TRAP1: variants seen among roughly 807,000 people sequenced by gnomAD.
TRAP1 encodes the protein heat shock protein 75 kDa, mitochondrial.
In TRAP1, 102 loss-of-function variants were observed where a neutral mutation model predicts 89.1. That is an observed-to-expected ratio of 1.15 (90% confidence interval 0.98 to 1.35). The LOEUF is 1.35. TRAP1 is among the 40% of genes most tolerant of loss of function. The pLI is 0.00. For synonymous variants in TRAP1, 508 were observed against 388.0 expected (o/e 1.31, Z -3.64); for missense variants, 1,256 against 945.3 (o/e 1.33, Z -4.31).
At chr16:3,668,143 G>T (rs1279131140) in intron 11 of TRAP1, among the ~76,000 whole-genome samples, 4 of 151,946 alleles carry the variant, frequency 2.6e-5, no homozygotes, top group African/African-American at 4.8e-5. Flanking sequence ...TGGCAGGCTG[G>T]TAACTCCTGA....
chr16:3,658,632 C>T, intron 17 of TRAP1, 161 bp downstream of exon 17: 2 of 690,194 alleles, frequency 2.9e-6, no homozygotes, highest in Admixed American at 5.4e-5. Context: ...AAGATCGCGC[C>T]ACTGCACTCC....
chr16:3,707,343 A>G (rs1455006069), intron 1 of TRAP1, among the ~76,000 whole-genome samples: 9 of 150,446 alleles, frequency 6.0e-5, no homozygotes, highest in Non-Finnish European at 8.9e-5. Flanking sequence ...CCACCACCAC[A>G]CCCGGCTAAT....
rs557175565 is a variant in TRAP1 at position 3,692,449 on chromosome 16, T to C, written c.89-1464A>G. 1.5e-4 allele frequency among the ~76,000 whole-genome samples: 22 copies of C among 149,818 alleles called. 1 individual carries two copies. In the South Asian group the frequency reaches 4.2e-3, roughly 29 times the overall value. ...TACTCGGGAGACTGAGGCAGGGGAA[T>C]GGCTTGAACTTGGGAAGTGGAGGTT... On this transcript the variant is annotated intron_variant, in intron 1 of 17. Transcript: ENST00000246957.
Position 3,658,844 on chromosome 16 carries a change from C to G in TRAP1, c.1962G>C (p.Leu654=), listed in dbSNP as rs370413693. Residue 654 remains leucine (L), a synonymous_variant, in exon 17 of 18, where the codon CTG becomes CTC. Coordinates refer to ENST00000246957, the MANE Select transcript of TRAP1 (RefSeq NM_016292.3). The part of the protein sequence containing the change: ...INPRHALIKK[L]NQLRASEPGL... ...CAGGCTCGCTTGCGCGCAGCTGATT[C>G]AGCTTCTTGATGAGCGCGTGCCTGC... 1.2e-6 allele frequency: 2 copies of G among 1,614,072 alleles called. No individual in the cohort carries two copies. Among genetic ancestry groups the G allele is most frequent in the African/African-American group, 2.7e-5 (2 of 75,060 alleles).
At chr16:3,700,351 G>C (rs923234895) in intron 1 of TRAP1, among the ~76,000 whole-genome samples, 3 of 151,816 alleles carry the variant, frequency 2.0e-5, no homozygotes, top group Admixed American at 6.6e-5. Flanking sequence ...ATTTTTTGTA[G>C]AGACGGGGTT....
rs1819911678 is a variant in TRAP1, at chr16:3,668,185, G to C, written c.1236-2067C>G. On this transcript the variant is annotated intron_variant, in intron 11 of 17. Transcript: ENST00000246957. ...GATCCACCCGCCTCGGCCTCCCAAA[G>C]TGCTGGGATTACAGGAGTGAGCCAT... is the stretch of plus-strand genomic sequence containing the variant. 3.3e-5 allele frequency among the ~76,000 whole-genome samples: 5 copies of C among 151,852 alleles called. No homozygotes were observed. The South Asian group carries it at 1.0e-3, about 32-fold the overall frequency.
In TRAP1 at chr16:3,664,276, C is replaced by G. The variant is rs912954604; in HGVS notation, c.1567G>C (p.Glu523Gln). The G allele has an allele frequency of 1.9e-6, 3 of 1,589,166 alleles. No homozygotes were observed. The highest frequency in any genetic ancestry group is 2.7e-5 in the African/African-American group (2 of 73,668). Residue 523 changes from glutamate to glutamine, a missense_variant and splice_region_variant, in exon 13 of 18, where the codon GAG becomes CAG. Glu to Gln is a conservative substitution (Grantham distance 29, BLOSUM62 2). Coordinates refer to ENST00000246957, the MANE Select transcript of TRAP1 (RefSeq NM_016292.3). The stretch of plus-strand genomic sequence containing the variant: ...CGCCCCACCCACCGCTCACCCACCT[C>G]TGTGTCTTTCTTCTTCATGGCCTCA... ...YYEAMKKKDT[E>Q]VLFCFEQFDE...
At chr16:3,692,302 G>A (rs1375739602) in intron 1 of TRAP1, among the ~76,000 whole-genome samples, 1 of 152,152 alleles carries the variant, frequency 6.6e-6, no homozygotes, top group Admixed American at 6.6e-5. Flanking sequence ...TTGGGAGGCT[G>A]AGGTAGGCGG....
intron 1 of TRAP1, chr16:3,691,199 G>T: frequency 5.2e-6 from 2 of 382,610 alleles, no homozygotes; most frequent in Non-Finnish European, 9.2e-6. Context: ...AAGATACTGT[G>T]TCTTCTCAGA....
At chr16:3,709,022 A>G (rs1216126261) in intron 1 of TRAP1, among the ~76,000 whole-genome samples, 10 of 151,738 alleles carry the variant, frequency 6.6e-5, no homozygotes, top group Non-Finnish European at 1.5e-4. Flanking sequence ...TCACCGTGTT[A>G]GCCAGGATGG....
In TRAP1 at chr16:3,669,394, G is replaced by A. The variant is rs147628060; in HGVS notation, c.1235+2328C>T. On this transcript the variant is annotated intron_variant, in intron 11 of 17. Coordinates refer to ENST00000246957, the MANE Select transcript of TRAP1 (RefSeq NM_016292.3). ...CTGTCAGAAGCCAGCACGGCTGTGTGGGGAAACAAGCACTGAGGCCCCCTT... is the reference window on the plus strand; with the variant it reads ...CTGTCAGAAGCCAGCACGGCTGTGTAGGGAAACAAGCACTGAGGCCCCCTT... Among the ~76,000 whole-genome samples, 667 of 152,256 alleles carry A rather than the reference G, an allele frequency of 4.4e-3. 4 individuals carry two copies. Among genetic ancestry groups the A allele is most frequent in the Non-Finnish European group, 7.4e-3 (504 of 67,992 alleles).
At chr16:3,659,784 C>G (rs928273712) in intron 16 of TRAP1, 1 of 150,530 alleles carries the variant, frequency 6.6e-6, no homozygotes, top group Non-Finnish European at 1.5e-5. Context: ...TAGATAGACT[C>G]TCACTCCTTC....
chr16:3,687,675 G>C (rs1195952778), intron 3 of TRAP1, among the ~76,000 whole-genome samples: 1 of 151,956 alleles, frequency 6.6e-6, no homozygotes, highest in Non-Finnish European at 1.5e-5. Flanking sequence ...CCTCAGCCCA[G>C]GAGTTCAAGA....
At chr16:3,685,905 C>G (rs1012712010) in intron 4 of TRAP1, 91 bp downstream of exon 4, 1 of 1,448,240 alleles carries the variant, frequency 6.9e-7, no homozygotes, top group African/African-American at 1.4e-5. Context: ...ACGGCCAGTA[C>G]GTCCCTGGGA....
At chr16:3,677,284 C>CA (rs990175874) in intron 6 of TRAP1, among the ~76,000 whole-genome samples, 62 of 152,260 alleles carry the variant, frequency 4.1e-4, no homozygotes, top group African/African-American at 1.4e-3. Context: ...TTCCCGAGCG[C>CA]AGTGGTGGTG....
intron 4 of TRAP1, among the ~76,000 whole-genome samples, chr16:3,681,568 C>A (rs946647833): frequency 9.9e-5 from 15 of 152,110 alleles, no homozygotes; most frequent in African/African-American, 3.4e-4. Flanking sequence ...TTTGAATAGT[C>A]CAAAATCCAG....
chr16:3,696,835 T>C (rs557772234), intron 1 of TRAP1, among the ~76,000 whole-genome samples: 2 of 152,076 alleles, frequency 1.3e-5, no homozygotes, highest in Admixed American at 6.6e-5. Context: ...CAAGTGATCC[T>C]CCCACCTCAA....
Position 3,662,067 on chromosome 16 carries a change from G to C in TRAP1, c.1860C>G (p.His620Gln). The C allele has an allele frequency of 6.2e-7, 1 of 1,613,348 alleles. No individual in the cohort carries two copies. The highest frequency in any genetic ancestry group is 2.2e-5 in the East Asian group (1 of 44,870). Residue 620 changes from histidine (H) to glutamine (Q), a missense_variant, in exon 16 of 18, where the codon CAC becomes CAG. Transcript: ENST00000246957. The part of the protein sequence containing the change: ...VTVLEMGAAR[H>Q]FLRMQQLAKT... ...TGGCCAGCTGCTGCATGCGCAGGAA[G>C]TGGCGGGCAGCCCCCATCTCCAGCA...
intron 1 of TRAP1, among the ~76,000 whole-genome samples, chr16:3,692,997 G>C (rs540259706): frequency 1.3e-5 from 2 of 151,152 alleles, no homozygotes; most frequent in East Asian, 3.9e-4. Context: ...TCGCTCTGTC[G>C]CCCAGGCTGG....
Sources: gnomAD v4.1 joint callset for allele counts (sites outside exome capture counted in the v4.1 genomes callset) on GRCh38, gnomAD v4.1.1 for gene constraint, MANE v1.5 for transcripts, NCBI Gene and HGNC (gene_info 2026-07-23, HGNC 2026-07-21) for gene names.